TG: variants seen among roughly 807,000 people sequenced by gnomAD.
TG encodes thyroid hormones.
TG carries 270 observed loss-of-function variants against 324.7 expected under a neutral mutation model. The observed-to-expected ratio is 0.83, with a 90% CI of 0.75 to 0.92. The LOEUF (loss-of-function observed/expected upper bound fraction) is 0.92. Ranked by LOEUF, TG falls within the 40% of genes least tolerant of loss-of-function variation. The pLI is 0.00. For missense variants in TG, 3,591 were observed against 3,456.4 expected (o/e 1.04, Z -0.98); for synonymous variants, 1,401 against 1,327.0 (o/e 1.06, Z -1.21).
intron 43 of TG, 62 bp downstream of exon 43, chr8:133,096,435 A>G (rs1848425861): frequency 6.3e-7 from 1 of 1,593,684 alleles, no homozygotes. Flanking sequence ...TCTGGACCTC[A>G]ATGTCTGACT....
intron 35 of TG, among the ~76,000 whole-genome samples, chr8:133,005,277 CA>C (rs1390088863): frequency 6.6e-6 from 1 of 151,368 alleles, no homozygotes; most frequent in Non-Finnish European, 1.5e-5. Flanking sequence ...TGCCCTGGGA[CA>C]GGGGGACAGG....
In TG at chr8:132,980,433, C is replaced by T. The variant is rs117825356; in HGVS notation, c.6200-2917C>T. Among the ~76,000 whole-genome samples, 6 of 152,258 alleles carry T rather than the reference C, an allele frequency of 3.9e-5. No homozygotes were observed. The East Asian group carries it at 1.2e-3, about 30-fold the overall frequency. Reference sequence around the variant, plus strand: ...ACACAGAGGTGCTGGGAGGGTGGGACACCTAAACAGGGTGTGGAGGCTCCC... The same window carrying T: ...ACACAGAGGTGCTGGGAGGGTGGGATACCTAAACAGGGTGTGGAGGCTCCC... On this transcript the variant is annotated intron_variant, in intron 34 of 47. Transcript: ENST00000220616.
chr8:133,105,766 A>G (rs1378075821), intron 43 of TG, among the ~76,000 whole-genome samples: 1 of 152,152 alleles, frequency 6.6e-6, no homozygotes, highest in Middle Eastern at 3.2e-3. Context: ...GGCAGCTGGG[A>G]GCCTTGGCTT....
intron 41 of TG, among the ~76,000 whole-genome samples, chr8:133,078,204 T>C (rs1845196604): frequency 1.3e-5 from 2 of 152,174 alleles, no homozygotes; most frequent in South Asian, 4.1e-4. Context: ...TGGTTTGTGG[T>C]CTGTTCAGGA....
chr8:132,894,087 T>C lies in TG; in HGVS notation c.3001+158T>C, dbSNP rs530239137. 2.6e-5 allele frequency among the ~76,000 whole-genome samples: 4 copies of C among 152,216 alleles called. No individual in the cohort carries two copies. The East Asian group carries it at 7.7e-4, about 29-fold the overall frequency. On this transcript the variant is annotated intron_variant, in intron 11 of 47. Coordinates refer to ENST00000220616, the MANE Select transcript of TG (RefSeq NM_003235.5). ...AGGCAAAGTGGTTTGGGGGCACCAGTCAAAGCTGGAATGCTGCACGCATCT... is the reference window on the plus strand; with the variant it reads ...AGGCAAAGTGGTTTGGGGGCACCAGCCAAAGCTGGAATGCTGCACGCATCT...
intron 13 of TG, 36 bp downstream of exon 13, chr8:132,898,282 C>T (rs771123423): frequency 6.4e-6 from 10 of 1,550,766 alleles, no homozygotes; most frequent in Non-Finnish European, 8.7e-6. Context: ...TCCTGACCCC[C>T]CTTGGTGGGC....
rs779600685 is a variant in TG, at chr8:132,946,755, G to C, written c.5234-2021G>C. Among the ~76,000 whole-genome samples the C allele has an allele frequency of 9.8e-4, 149 of 152,206 alleles. 1 individual carries two copies. The highest frequency in any genetic ancestry group is 4.8e-3 in the Admixed American group (73 of 15,278). ...TTGGAAGTGGGGCTCTGAGGGCCTTGAATGGCCTCAGGGTCACAGGAGTGC... is the reference window on the plus strand; with the variant it reads ...TTGGAAGTGGGGCTCTGAGGGCCTTCAATGGCCTCAGGGTCACAGGAGTGC... On this transcript the variant is annotated intron_variant, in intron 26 of 47. Transcript: ENST00000220616.
chr8:132,888,446 C>G lies in TG; in HGVS notation c.2639C>G (p.Pro880Arg), dbSNP rs201893722. 2.8e-5 allele frequency: 45 copies of G among 1,612,234 alleles called. No homozygotes were observed. In the Admixed American group the frequency reaches 5.2e-4, roughly 19 times the overall value. ...QILNGQLSQY[P>R]GSYSDFSTPL... ...TTAAATGGCCAACTCAGCCAATACC[C>G]GGGGTCCTACTCAGACTTCAGCACT... The change falls in exon 10 of 48, where the codon CCG becomes CGG. Residue 880 changes from proline (P) to arginine (R), a missense_variant. By Grantham distance (103) the Pro-to-Arg change is moderately radical. Transcript: ENST00000220616.
intron 40 of TG, among the ~76,000 whole-genome samples, chr8:133,024,392 T>C (rs1377136777): frequency 1.1e-5 from 1 of 94,116 alleles, no homozygotes; most frequent in Non-Finnish European, 2.3e-5. Context: ...CTTTCTTTCT[T>C]TTTCTTTTTT....
In TG at chr8:132,913,602, T is replaced by G. The variant is rs370792714; in HGVS notation, c.4378+337T>G. Among the ~76,000 whole-genome samples, 60 of 152,292 alleles carry G rather than the reference T, an allele frequency of 3.9e-4. 2 individuals carry two copies. In the South Asian group the frequency reaches 0.011, roughly 27 times the overall value. On this transcript the variant is annotated intron_variant, in intron 20 of 47. Coordinates refer to ENST00000220616, the MANE Select transcript of TG (RefSeq NM_003235.5). Reference sequence around the variant, plus strand: ...CTCAGTCTGGCTGTGGCAATGTTACTCACCACAATTTCCAAATGGTCATTC... The same window carrying G: ...CTCAGTCTGGCTGTGGCAATGTTACGCACCACAATTTCCAAATGGTCATTC...
At chr8:133,070,405 G>A (rs1843822183) in intron 41 of TG, among the ~76,000 whole-genome samples, 1 of 152,182 alleles carries the variant, frequency 6.6e-6, no homozygotes, top group Non-Finnish European at 1.5e-5. Context: ...ACTAATCTAA[G>A]TGGGCATCCA....
At chr8:132,869,217 C>A (rs1839248900) in intron 2 of TG, among the ~76,000 whole-genome samples, 1 of 152,266 alleles carries the variant, frequency 6.6e-6, no homozygotes, top group African/African-American at 2.4e-5. Context: ...TATCTTTTAC[C>A]TTCTTATACC....
rs754983837 is a variant in TG at position 132,886,417 on chromosome 8, CT to C, written c.1076-27del. The C allele has an allele frequency of 1.1e-5, 17 of 1,613,750 alleles. No individual in the cohort carries two copies. The South Asian group carries it at 1.5e-4, about 15-fold the overall frequency. On this transcript the variant is annotated intron_variant, in intron 8 of 47. Transcript: ENST00000220616. ...TCAGGATTGCTTGTGACATTAAAAC[CT>C]TTTCTCCCATTTCACTTTGTCTCAT...
At chr8:133,034,987 TAAAC>T (rs1836954358) in intron 41 of TG, among the ~76,000 whole-genome samples, 1 of 152,248 alleles carries the variant, frequency 6.6e-6, no homozygotes, top group Admixed American at 6.5e-5. Flanking sequence ...TTAGTCTACT[TAAAC>T]AATGTTTTGC....
chr8:132,971,794 G>T lies in TG; in HGVS notation c.5976G>T (p.Gly1992=), dbSNP rs773882300. 3.1e-6 allele frequency: 5 copies of T among 1,611,862 alleles called. No individual in the cohort carries two copies. The East Asian group carries it at 8.9e-5, about 29-fold the overall frequency. Residue 1992 remains glycine (G), a splice_region_variant and synonymous_variant, in exon 33 of 48, where the codon GGG becomes GGT. Transcript: ENST00000220616. ...VPMSEKSISN[G]FFECERRCDA... is the part of the protein sequence containing the mutation. ...CCTGCTCTTTCTCTTCCTATGCCAG[G>T]TTCTTTGAATGTGAACGACGGTGCG... is the stretch of plus-strand genomic sequence containing the variant.
chr8:133,039,394 G>A (rs1837729400), intron 41 of TG, among the ~76,000 whole-genome samples: 1 of 152,166 alleles, frequency 6.6e-6, no homozygotes. Flanking sequence ...ACAAGAAAGA[G>A]CAGTTTTCTT....
At chr8:133,071,118 G>A (rs1016495286) in intron 41 of TG, among the ~76,000 whole-genome samples, 10 of 152,134 alleles carry the variant, frequency 6.6e-5, no homozygotes, top group Admixed American at 3.3e-4. Flanking sequence ...GATTGGTGCC[G>A]TCCCTTGATG....
intron 4 of TG, among the ~76,000 whole-genome samples, chr8:132,872,163 T>TA (rs1459736048): frequency 2.6e-5 from 4 of 152,146 alleles, no homozygotes; most frequent in Non-Finnish European, 4.4e-5. Flanking sequence ...TCAAAAGTTT[T>TA]AAAAAATTAA....
intron 35 of TG, among the ~76,000 whole-genome samples, chr8:132,989,519 A>G (rs1372064996): frequency 6.6e-6 from 1 of 152,196 alleles, no homozygotes; most frequent in Non-Finnish European, 1.5e-5. Flanking sequence ...GTCTCGTTAC[A>G]GTTTGTCCTG....
Sources: gnomAD v4.1 joint callset for allele counts (sites outside exome capture counted in the v4.1 genomes callset) on GRCh38, gnomAD v4.1.1 for gene constraint, MANE v1.5 for transcripts, NCBI Gene and HGNC (gene_info 2026-07-23, HGNC 2026-07-21) for gene names.